The following HSPBP1 variants were observed in gnomAD, a reference collection of about 807,000 sequenced individuals.
The protein encoded by HSPBP1 is hsp70-binding protein 1.
Under a neutral mutation model 41.7 loss-of-function variants are expected in HSPBP1, and 31 were observed. The ratio of observed to expected loss-of-function variants is 0.74; its 90% confidence interval spans 0.56 to 1.00. The LOEUF is 1.00. Ranked by LOEUF, HSPBP1 falls within the 50% of genes least tolerant of loss-of-function variation. The pLI is 0.00. For missense variants in HSPBP1, 439 were observed against 487.9 expected (o/e 0.90, Z 0.94); for synonymous variants, 199 against 214.4 (o/e 0.93, Z 0.63).
intron 7 of HSPBP1, among the ~76,000 whole-genome samples, chr19:55,263,137 T>C (rs10412187): frequency 0.5 from 76,183 of 152,078 alleles, 19,635 homozygotes; most frequent in Middle Eastern, 0.59. Context: ...TATACTTAAC[T>C]CTTAAAGAGC....
Position 55,279,551 on chromosome 19 carries a change from G to T in HSPBP1, c.58C>A (p.Gln20Lys). 1 of 1,599,742 alleles carries T rather than the reference G, an allele frequency of 6.3e-7. No individual in the cohort carries two copies. The highest frequency in any genetic ancestry group is 8.5e-7 in the Non-Finnish European group (1 of 1,173,248). Reference protein sequence around the residue: ...RLPLALPPASQGCSSGGGGGG... With the variant: ...RLPLALPPASKGCSSGGGGGG... ...CCGCCGCCCCCTGAAGAGCAACCCTGGGAGGCCGGGGGCAGCGCCAGGGGC... is the reference window on the plus strand; with the variant it reads ...CCGCCGCCCCCTGAAGAGCAACCCTTGGAGGCCGGGGGCAGCGCCAGGGGC... Residue 20 changes from glutamine to lysine, a missense_variant, in exon 2 of 8, where the codon CAG (glutamine) becomes AAG (lysine). Gln to Lys is a moderately conservative substitution (Grantham distance 53, BLOSUM62 1). Coordinates refer to ENST00000433386, the MANE Select transcript of HSPBP1 (RefSeq NM_012267.5).
chr19:55,267,383 T>C (rs1026279597), intron 4 of HSPBP1, among the ~76,000 whole-genome samples: 1 of 152,086 alleles, frequency 6.6e-6, no homozygotes, highest in African/African-American at 2.4e-5. Context: ...GCTCCTGACC[T>C]AAAGTGATCC....
intron 4 of HSPBP1, among the ~76,000 whole-genome samples, chr19:55,266,492 A>T: frequency 7.5e-6 from 1 of 133,624 alleles, no homozygotes; most frequent in Non-Finnish European, 1.6e-5. Context: ...CACCACCACC[A>T]TCACTATCAC....
At chr19:55,278,980 C>T (rs934985433) in intron 2 of HSPBP1, among the ~76,000 whole-genome samples, 1 of 129,854 alleles carries the variant, frequency 7.7e-6, no homozygotes, top group Non-Finnish European at 1.6e-5. Context: ...TTCATGAAAA[C>T]ACACTGCTGC....
chr19:55,264,846 G>A (rs372278440), intron 7 of HSPBP1, among the ~76,000 whole-genome samples: 4 of 152,222 alleles, frequency 2.6e-5, no homozygotes, highest in African/African-American at 9.6e-5. Flanking sequence ...ACGAGAACAC[G>A]AATGAAAGCC....
intron 2 of HSPBP1, among the ~76,000 whole-genome samples, chr19:55,278,915 G>C (rs986182362): frequency 0.056 from 2,388 of 42,782 alleles, 16 homozygotes; most frequent in African/African-American, 0.078. Context: ...CCCCAACCCT[G>C]CCCCCACCAA....
rs749805086 is a variant in HSPBP1, at chr19:55,277,634, C to T, written c.415+8G>A. 7 of 1,600,744 alleles carry T rather than the reference C, an allele frequency of 4.4e-6. No homozygotes were observed. The highest frequency in any genetic ancestry group is 3.4e-5 in the Admixed American group (2 of 58,122). ...GGGCAGAACGTCCTGGCGGGGGAAG[C>T]GGGGTACCTGCGGCATTGTCCATGT... On this transcript the variant is annotated splice_region_variant and intron_variant, in intron 3 of 7. Coordinates refer to ENST00000433386, the MANE Select transcript of HSPBP1 (RefSeq NM_012267.5).
At chr19:55,278,634 C>T (rs2088140037) in intron 2 of HSPBP1, among the ~76,000 whole-genome samples, 1 of 151,998 alleles carries the variant, frequency 6.6e-6, no homozygotes, top group African/African-American at 2.4e-5. Flanking sequence ...GCAGTCTAGG[C>T]TGGGCGTGCT....
At chr19:55,267,125 T>C (rs1317042923) in intron 4 of HSPBP1, among the ~76,000 whole-genome samples, 6 of 152,200 alleles carry the variant, frequency 3.9e-5, no homozygotes, top group African/African-American at 1.2e-4. Flanking sequence ...CATCATCTTT[T>C]TTAATTTTTT....
At chr19:55,273,011 G>T (rs1170505108) in intron 4 of HSPBP1, among the ~76,000 whole-genome samples, 2 of 152,184 alleles carry the variant, frequency 1.3e-5, no homozygotes, top group African/African-American at 4.8e-5. Flanking sequence ...TTTTGTGTTT[G>T]TTTTCAGACA....
At chr19:55,269,093 G>A (rs1395297452) in intron 4 of HSPBP1, among the ~76,000 whole-genome samples, 1 of 152,130 alleles carries the variant, frequency 6.6e-6, no homozygotes, top group Non-Finnish European at 1.5e-5. Flanking sequence ...GTACCCAGGA[G>A]AGACCTGTCC....
chr19:55,267,096 A>G (rs2087807689), intron 4 of HSPBP1, among the ~76,000 whole-genome samples: 1 of 152,048 alleles, frequency 6.6e-6, no homozygotes, highest in Non-Finnish European at 1.5e-5. Context: ...TATTTTATCC[A>G]TTCCTCCATT....
At chr19:55,279,355 T>A (rs2088164156) in intron 2 of HSPBP1, 44 bp downstream of exon 2, 2 of 1,530,066 alleles carry the variant, frequency 1.3e-6, no homozygotes, top group Admixed American at 2.2e-5. Context: ...ACTCTATCTG[T>A]CCCCAGGCCC....
intron 4 of HSPBP1, among the ~76,000 whole-genome samples, chr19:55,273,619 G>A (rs903605368): frequency 1.2e-4 from 19 of 152,260 alleles, no homozygotes; most frequent in Non-Finnish European, 2.2e-4. Flanking sequence ...CCCTGTGCCC[G>A]ACCTGGTGCC....
chr19:55,278,923 C>CCCAAAAAA (rs764250410), intron 2 of HSPBP1, among the ~76,000 whole-genome samples: 1 of 90,654 alleles, frequency 1.1e-5, no homozygotes, highest in African/African-American at 4.2e-5. Context: ...CTGCCCCCAC[C>CCCAAAAAA]AAAAAAAAAA....
intron 4 of HSPBP1, 55 bp downstream of exon 4, chr19:55,274,343 C>CCGCCCCCCCCCCCCCCCCCCCCCCCCCCG: frequency 1.6e-6 from 1 of 639,920 alleles, no homozygotes. Context: ...GGGGCCCACC[C>CCGCCCCCCCCCCCCCCCCCCCCCCCCCCG]GGCACCCCCC....
In HSPBP1 at chr19:55,279,435, T is replaced by G; in HGVS notation, c.174A>C (p.Glu58Asp). The change falls in exon 2 of 8, where the codon GAA (glutamate) becomes GAC (aspartate). Residue 58 changes from glutamate to aspartate, a missense_variant. By Grantham distance (45) the Glu-to-Asp change is conservative. Coordinates refer to ENST00000433386, the MANE Select transcript of HSPBP1 (RefSeq NM_012267.5). ...TCGGTTCTGGAGGAGGGTCTGGCTC[T>G]TCAGAGCCCGCGGTGATGGCCATCT... ...LLQMAITAGS[E>D]EPDPPPEPMS... 1 of 1,603,802 alleles carries G rather than the reference T, an allele frequency of 6.2e-7. No homozygotes were observed. The highest frequency in any genetic ancestry group is 8.5e-7 in the Non-Finnish European group (1 of 1,177,722).
At position 55,279,391 on chromosome 19, in the gene HSPBP1, T is replaced by A; in HGVS notation, c.210+8A>T. On this transcript the variant is annotated splice_region_variant and intron_variant, in intron 2 of 7. Transcript: ENST00000433386. ...CTCACCCCAGCTTCTTGGGTCCCCA[T>A]CCTTTACCTCCTCACTCATCGGTTC... 1 of 1,581,632 alleles carries A rather than the reference T, an allele frequency of 6.3e-7. No individual in the cohort carries two copies. Among genetic ancestry groups the A allele is most frequent in the Non-Finnish European group, 8.5e-7 (1 of 1,171,636 alleles).
At chr19:55,271,151 T>C (rs1307758993) in intron 4 of HSPBP1, among the ~76,000 whole-genome samples, 1 of 152,138 alleles carries the variant, frequency 6.6e-6, no homozygotes, top group Non-Finnish European at 1.5e-5. Context: ...GACCATTTGC[T>C]ATGTACTCTT....
Sources: allele counts gnomAD v4.1 joint callset (sites outside exome capture counted in the v4.1 genomes callset), GRCh38; gene constraint gnomAD v4.1.1; transcripts MANE v1.5; gene names NCBI Gene and HGNC (gene_info 2026-07-23, HGNC 2026-07-21).